The following PAPSS1 variants were observed in gnomAD, a reference collection of about 807,000 sequenced individuals.
PAPSS1 encodes 3'-phosphoadenosine 5'-phosphosulfate synthase 1.
PAPSS1 carries 50 observed loss-of-function variants against 72.0 expected under a neutral mutation model. The ratio of observed to expected loss-of-function variants is 0.69; its 90% CI spans 0.55 to 0.88. The LOEUF (loss-of-function observed/expected upper bound fraction) is 0.88. PAPSS1 is among the 40% of genes least tolerant of loss of function. The pLI is 0.00. For synonymous variants in PAPSS1, 261 were observed against 263.6 expected (o/e 0.99, Z 0.09); for missense variants, 657 against 782.2 (o/e 0.84, Z 1.91).
intron 5 of PAPSS1, among the ~76,000 whole-genome samples, chr4:107,681,724 T>C (rs1722619525): frequency 6.6e-6 from 1 of 152,162 alleles, no homozygotes; most frequent in Non-Finnish European, 1.5e-5. Flanking sequence ...CAATCATGGC[T>C]GGATTTTCTG....
intron 5 of PAPSS1, among the ~76,000 whole-genome samples, chr4:107,664,261 A>AT (rs1453127114): frequency 2.0e-5 from 3 of 152,162 alleles, no homozygotes; most frequent in Non-Finnish European, 2.9e-5. Flanking sequence ...TAAGGATGGG[A>AT]TATCTTTTTG....
intron 2 of PAPSS1, among the ~76,000 whole-genome samples, chr4:107,695,129 G>T (rs189322065): frequency 8.5e-5 from 13 of 152,298 alleles, no homozygotes; most frequent in African/African-American, 3.1e-4. Flanking sequence ...CATGAGGCTG[G>T]AATGTTTTTC....
intron 1 of PAPSS1, among the ~76,000 whole-genome samples, chr4:107,714,077 A>G (rs773687626): frequency 2.4e-4 from 37 of 152,246 alleles, no homozygotes; most frequent in African/African-American, 5.1e-4. Context: ...CACGTCTTCA[A>G]GAGTCCAATT....
intron 9 of PAPSS1, among the ~76,000 whole-genome samples, chr4:107,647,388 C>T (rs951416512): frequency 6.6e-6 from 1 of 152,152 alleles, no homozygotes; most frequent in Non-Finnish European, 1.5e-5. Context: ...TGAACCAATT[C>T]CTTCCTGTTC....
At chr4:107,686,341 T>C (rs980307300) in intron 4 of PAPSS1, among the ~76,000 whole-genome samples, 3 of 152,240 alleles carry the variant, frequency 2.0e-5, no homozygotes, top group African/African-American at 7.2e-5. Context: ...TTATATACTT[T>C]AAATCATCTC....
chr4:107,667,263 C>T (rs889260480), intron 5 of PAPSS1, among the ~76,000 whole-genome samples: 3 of 152,142 alleles, frequency 2.0e-5, no homozygotes, highest in Admixed American at 1.3e-4. Flanking sequence ...AGAGAAAGCA[C>T]GGAAGCTCTG....
chr4:107,624,612 T>C (rs1020808889), intron 11 of PAPSS1, among the ~76,000 whole-genome samples: 1 of 152,178 alleles, frequency 6.6e-6, no homozygotes, highest in Non-Finnish European at 1.5e-5. Flanking sequence ...ATAATTTGAT[T>C]TTCAAAAATA....
rs1043108 is a variant in PAPSS1 at position 107,613,906 on chromosome 4, A to G, written c.*343T>C. ...GTAATTTTTTTCTTTTTTTAAGGGG[A>G]AAAAAAGCAAGATTTAATGTGAATA... On this transcript the variant is annotated 3_prime_UTR_variant, in exon 12 of 12. Transcript: ENST00000265174. 1.3e-5 allele frequency: 2 copies of G among 151,528 alleles called. No homozygotes were observed. The highest frequency in any genetic ancestry group is 4.3e-4 in the South Asian group (2 of 4,674). The allele number at this position is 151,528 out of a possible 1,614,324, so 9.4% of individuals were successfully genotyped here.
intron 9 of PAPSS1, among the ~76,000 whole-genome samples, chr4:107,650,696 T>C (rs1329527939): frequency 6.6e-6 from 1 of 152,200 alleles, no homozygotes; most frequent in Admixed American, 6.5e-5. Context: ...TTTGAATATA[T>C]GTTATCTCTT....
intron 5 of PAPSS1, among the ~76,000 whole-genome samples, chr4:107,663,196 C>T (rs1299875735): frequency 1.3e-5 from 2 of 152,020 alleles, no homozygotes; most frequent in African/African-American, 2.4e-5. Flanking sequence ...GGCATAACAT[C>T]TTCAAAACCA....
At chr4:107,646,308 TATACAC>T (rs61359080) in intron 9 of PAPSS1, among the ~76,000 whole-genome samples, 27,135 of 142,504 alleles carry the variant, frequency 0.19, 2,755 homozygotes, top group East Asian at 0.36. Context: ...TATATATATA[TATACAC>T]ACACACACAC....
chr4:107,656,971 A>G lies in PAPSS1; in HGVS notation c.820T>C (p.Trp274Arg). Residue 274 changes from tryptophan to arginine, a missense_variant, in exon 7 of 12, where the codon TGG becomes CGG. Around this residue, in one of 7 missense-constraint regions of PAPSS1, gnomAD observed 190 missense variants for 176.7 expected, o/e 1.07. Transcript: ENST00000265174. ...ATAAAGCCATTCAATGGGGTTGCCC[A>G]ACCTTCTGCCAAAACCTGCACCCAC... ...MQWVQVLAEGWATPLNGFMRE... is the reference protein window; with the variant it reads ...MQWVQVLAEGRATPLNGFMRE... The G allele has an allele frequency of 6.2e-7, 1 of 1,614,084 alleles. No individual in the cohort carries two copies. Among genetic ancestry groups the G allele is most frequent in the Non-Finnish European group, 8.5e-7 (1 of 1,179,938 alleles).
chr4:107,642,182 T>C (rs1277484629), intron 10 of PAPSS1, among the ~76,000 whole-genome samples: 1 of 152,152 alleles, frequency 6.6e-6, no homozygotes, highest in African/African-American at 2.4e-5. Flanking sequence ...CCTAACTCAC[T>C]ATTTTGGAAC....
At chr4:107,668,338 C>A (rs1057348738) in intron 5 of PAPSS1, among the ~76,000 whole-genome samples, 4 of 152,204 alleles carry the variant, frequency 2.6e-5, no homozygotes, top group African/African-American at 9.7e-5. Flanking sequence ...CAGGGCCTAG[C>A]ACACAGTAAG....
intron 1 of PAPSS1, among the ~76,000 whole-genome samples, chr4:107,706,829 C>T (rs1723349395): frequency 6.6e-6 from 1 of 152,220 alleles, no homozygotes; most frequent in Non-Finnish European, 1.5e-5. Flanking sequence ...CACAGGCAGG[C>T]TTGCTGCTGG....
chr4:107,681,718 C>T (rs1722619396), intron 5 of PAPSS1, among the ~76,000 whole-genome samples: 1 of 152,164 alleles, frequency 6.6e-6, no homozygotes, highest in Non-Finnish European at 1.5e-5. Context: ...ACTGAACAAT[C>T]ATGGCTGGAT....
At chr4:107,699,332 A>C (rs1282098766) in intron 2 of PAPSS1, among the ~76,000 whole-genome samples, 3 of 152,158 alleles carry the variant, frequency 2.0e-5, no homozygotes, top group Non-Finnish European at 4.4e-5. Context: ...ACAAGGTAAG[A>C]GGACTTACTC....
intron 3 of PAPSS1, among the ~76,000 whole-genome samples, chr4:107,688,029 C>G (rs1722832918): frequency 6.6e-6 from 1 of 151,640 alleles, no homozygotes; most frequent in Non-Finnish European, 1.5e-5. Flanking sequence ...TCTTCTCTTT[C>G]AAGCAAAATC....
chr4:107,632,372 T>C (rs1265984562), intron 10 of PAPSS1, among the ~76,000 whole-genome samples: 2 of 152,096 alleles, frequency 1.3e-5, no homozygotes, highest in Non-Finnish European at 2.9e-5. Flanking sequence ...TTATGAACTT[T>C]TCTGTATATT....
Sources: gnomAD v4.1 joint callset for allele counts (sites outside exome capture counted in the v4.1 genomes callset) on GRCh38, gnomAD v4.1.1 for gene constraint, gnomAD v4.1.1 regional missense constraint, MANE v1.5 for transcripts, NCBI Gene and HGNC (gene_info 2026-07-23, HGNC 2026-07-21) for gene names.